Variants in PTH2R observed in about 807,000 individuals in gnomAD.
PTH2R encodes the protein PTH2 receptor.
A neutral mutation model predicts 60.3 loss-of-function variants in PTH2R; 59 were observed. The ratio of observed to expected loss-of-function variants is 0.98; its 90% CI spans 0.79 to 1.22. The LOEUF is 1.22. PTH2R is among the 50% of genes most tolerant of loss of function. PTH2R has a pLI of 0.00. For missense variants in PTH2R, 749 were observed against 682.6 expected (o/e 1.10, Z -1.08); for synonymous variants, 256 against 243.8 (o/e 1.05, Z -0.47).
intron 1 of PTH2R, among the ~76,000 whole-genome samples, chr2:208,418,981 C>G (rs1346218634): frequency 6.6e-6 from 1 of 152,094 alleles, no homozygotes; most frequent in Admixed American, 6.6e-5. Flanking sequence ...ATTGTTGAAG[C>G]TATAACTTAA....
At chr2:208,372,794 A>G (rs1403266041) in intron 1 of PTH2R, among the ~76,000 whole-genome samples, 1 of 152,004 alleles carries the variant, frequency 6.6e-6, no homozygotes, top group African/African-American at 2.4e-5. Context: ...CCAAAAGAAA[A>G]TATGTTCTGG....
chr2:208,374,410 A>G (rs1700756304), intron 1 of PTH2R, among the ~76,000 whole-genome samples: 1 of 152,090 alleles, frequency 6.6e-6, no homozygotes, highest in African/African-American at 2.4e-5. Flanking sequence ...CTGCTCCTCA[A>G]TGATTGCTCC....
chr2:208,450,438 C>A (rs191877698), intron 7 of PTH2R, among the ~76,000 whole-genome samples: 1 of 152,254 alleles, frequency 6.6e-6, no homozygotes, highest in African/African-American at 2.4e-5. Flanking sequence ...CAAATGCCAA[C>A]CATTGCTTAC....
intron 12 of PTH2R, among the ~76,000 whole-genome samples, chr2:208,492,196 G>A (rs771583317): frequency 4.3e-4 from 65 of 152,274 alleles, no homozygotes; most frequent in Non-Finnish European, 8.1e-4. Context: ...TTCTATCCAC[G>A]AGCCTTCTTT....
At chr2:208,377,947 C>T (rs1324093816) in intron 1 of PTH2R, among the ~76,000 whole-genome samples, 36 of 151,914 alleles carry the variant, frequency 2.4e-4, no homozygotes, top group African/African-American at 8.2e-4. Context: ...CAGGCAGAGA[C>T]GCTCCTCACT....
chr2:208,402,905 T>C (rs1701336705), upstream of PTH2R, among the ~76,000 whole-genome samples: 1 of 152,180 alleles, frequency 6.6e-6, no homozygotes, highest in South Asian at 2.1e-4. Flanking sequence ...GTAGAAAAAG[T>C]GATAAATGTG....
At chr2:208,368,963 T>C (rs1004163316) in intron 1 of PTH2R, among the ~76,000 whole-genome samples, 2 of 152,198 alleles carry the variant, frequency 1.3e-5, no homozygotes, top group African/African-American at 4.8e-5. Flanking sequence ...AACCCTCCAC[T>C]GTCATTGTTA....
chr2:208,487,492 C>G (rs770978785), intron 10 of PTH2R, among the ~76,000 whole-genome samples: 116 of 152,188 alleles, frequency 7.6e-4, no homozygotes, highest in Non-Finnish European at 1.5e-3. Context: ...TTGGCAATTT[C>G]TTGGATAAAA....
chr2:208,367,492 C>T (rs184109452), intron 1 of PTH2R, among the ~76,000 whole-genome samples: 21 of 144,412 alleles, frequency 1.5e-4, no homozygotes, highest in Admixed American at 1.4e-3. Flanking sequence ...ACAATCTCGG[C>T]TCACTGCAAC....
chr2:208,415,086 A>T (rs1330650837), intron 1 of PTH2R, among the ~76,000 whole-genome samples: 1 of 152,204 alleles, frequency 6.6e-6, no homozygotes, highest in African/African-American at 2.4e-5. Context: ...GTTAGGTAAA[A>T]ACTAAGAAAA....
chr2:208,411,932 T>A (rs1025189864), intron 1 of PTH2R, among the ~76,000 whole-genome samples: 2 of 152,358 alleles, frequency 1.3e-5, no homozygotes, highest in Non-Finnish European at 2.9e-5. Flanking sequence ...CCTCTTCTTT[T>A]ATTAGCAGAT....
At chr2:208,477,344 A>G (rs751930174) in intron 9 of PTH2R, among the ~76,000 whole-genome samples, 2 of 152,184 alleles carry the variant, frequency 1.3e-5, no homozygotes, top group Non-Finnish European at 2.9e-5. Context: ...GATCCAGGCA[A>G]AGAAAACTCC....
At chr2:208,460,581 C>T (rs1043496462) in intron 9 of PTH2R, among the ~76,000 whole-genome samples, 10 of 152,124 alleles carry the variant, frequency 6.6e-5, no homozygotes, top group African/African-American at 2.4e-4. Context: ...TGGACCTTAT[C>T]TGCCTATAAT....
chr2:208,419,804 T>C (rs1701715016), intron 1 of PTH2R, among the ~76,000 whole-genome samples: 1 of 152,158 alleles, frequency 6.6e-6, no homozygotes, highest in Non-Finnish European at 1.5e-5. Context: ...GCTTGTTTTT[T>C]AAATCATGCT....
intron 1 of PTH2R, among the ~76,000 whole-genome samples, chr2:208,383,920 C>T (rs1700960754): frequency 6.6e-6 from 1 of 152,080 alleles, no homozygotes; most frequent in African/African-American, 2.4e-5. Context: ...GGAGTGTTTG[C>T]CATGATGTAG....
intron 9 of PTH2R, among the ~76,000 whole-genome samples, chr2:208,477,922 C>G (rs931826912): frequency 1.4e-5 from 2 of 146,318 alleles, no homozygotes; most frequent in African/African-American, 5.0e-5. Flanking sequence ...AGCACTACTA[C>G]TAGTACTAGC....
chr2:208,482,841 G>A (rs1054695256), intron 10 of PTH2R, among the ~76,000 whole-genome samples: 11 of 152,186 alleles, frequency 7.2e-5, no homozygotes, highest in Non-Finnish European at 1.3e-4. Context: ...CACAAGGGTC[G>A]CTTTCCATTC....
At chr2:208,410,272 TA>T (rs1701512470) in intron 1 of PTH2R, among the ~76,000 whole-genome samples, 1 of 152,230 alleles carries the variant, frequency 6.6e-6, no homozygotes. Context: ...ATGGGCACTG[TA>T]ATTGTTCACA....
chr2:208,483,575 G>A (rs76931037), intron 10 of PTH2R, among the ~76,000 whole-genome samples: 6,999 of 152,110 alleles, frequency 0.046, 321 homozygotes, highest in African/African-American at 0.11. Flanking sequence ...AATTCATGGA[G>A]GATTATTTCC....
Sources: allele counts gnomAD v4.1 joint callset (sites outside exome capture counted in the v4.1 genomes callset), GRCh38; gene constraint gnomAD v4.1.1; transcripts MANE v1.5; gene names NCBI Gene and HGNC (gene_info 2026-07-23, HGNC 2026-07-21).